Variants in CALM3 observed in about 807,000 individuals in gnomAD.
The protein encoded by CALM3 is calmodulin-3.
Under a neutral mutation model 20.1 loss-of-function variants are expected in CALM3, and 5 were observed. The observed-to-expected ratio is 0.25, with a 90% CI of 0.13 to 0.52. The LOEUF is 0.52. Among genes scored for constraint, CALM3 ranks in the 20% least tolerant of loss-of-function variants. The probability of loss-of-function intolerance (pLI) is 0.96; values close to 1 mark genes in which losing one functional copy is unlikely to be tolerated. For synonymous variants in CALM3, 69 were observed against 68.1 expected (o/e 1.01, Z -0.06); for missense variants, 57 against 192.8 (o/e 0.30, Z 4.17).
At chr19:46,607,562 C>T (rs1249477580) in intron 2 of CALM3, among the ~76,000 whole-genome samples, 1 of 152,194 alleles carries the variant, frequency 6.6e-6, no homozygotes, top group Non-Finnish European at 1.5e-5. Context: ...GCAGCCGTCC[C>T]CTCGCTTTCC....
chr19:46,603,720 C>G (rs1488530640), intron 1 of CALM3, among the ~76,000 whole-genome samples: 1 of 152,204 alleles, frequency 6.6e-6, no homozygotes, highest in African/African-American at 2.4e-5. Flanking sequence ...TGGGCGGCAA[C>G]CTTGCTTGAG....
intron 2 of CALM3, among the ~76,000 whole-genome samples, chr19:46,607,369 C>G (rs972350469): frequency 3.3e-5 from 5 of 152,230 alleles, no homozygotes; most frequent in Non-Finnish European, 5.9e-5. Flanking sequence ...CACCCCAGCC[C>G]ACACCCTCTG....
chr19:46,602,835 G>A (rs1296205152), intron 1 of CALM3, among the ~76,000 whole-genome samples: 4 of 152,086 alleles, frequency 2.6e-5, no homozygotes, highest in African/African-American at 7.2e-5. Flanking sequence ...CCAGCCCCAC[G>A]CACCATGCTG....
At chr19:46,606,313 C>T (rs762521991) in intron 2 of CALM3, 5 of 162,254 alleles carry the variant, frequency 3.1e-5, no homozygotes, top group Non-Finnish European at 6.7e-5. Flanking sequence ...CATGTGCCTG[C>T]GCCTGCCTGT....
At chr19:46,602,915 C>T (rs570967459) in intron 1 of CALM3, among the ~76,000 whole-genome samples, 1 of 152,308 alleles carries the variant, frequency 6.6e-6, no homozygotes, top group South Asian at 2.1e-4. Flanking sequence ...TGCCTATTCC[C>T]GTGCCCTCGG....
In CALM3 at chr19:46,609,415, A is replaced by G. The variant is rs1005372074; in HGVS notation, c.*262A>G. 7.2e-6 allele frequency: 4 copies of G among 558,290 alleles called. No homozygotes were observed. The highest frequency in any genetic ancestry group is 5.7e-5 in the African/African-American group (3 of 52,740). 34.6% of individuals were successfully genotyped at this position (558,290 alleles called of 1,614,324 possible). A position where few individuals can be genotyped will look rare whatever the true frequency, so the allele number is the denominator to read the frequency against. ...ATGTCTTCCAAGGCCTGATGCATTC[A>G]TAAGTTGAAGCCCTCCCCAGATCCC... On this transcript the variant is annotated 3_prime_UTR_variant, in exon 6 of 6. Transcript: ENST00000291295.
At chr19:46,602,226 G>A (rs1484195422) in intron 1 of CALM3, 1 of 1,349,888 alleles carries the variant, frequency 7.4e-7, no homozygotes, top group Admixed American at 2.0e-5. Flanking sequence ...AGTGGGGCTC[G>A]CCAGTAGTCG....
At chr19:46,601,317 GC>G, upstream of CALM3, 1 of 954,536 alleles carries the variant, frequency 1.0e-6, no homozygotes. The surrounding 1 kb of genome is among the most constrained non-coding windows in gnomAD (Gnocchi z 4.2). Flanking sequence ...CGGCGGCGGC[GC>G]GCGCTGCGGG....
In CALM3 at chr19:46,601,350, C is replaced by G; in HGVS notation, c.-85C>G. 1 of 1,417,880 alleles carries G rather than the reference C, an allele frequency of 7.1e-7. No individual in the cohort carries two copies. The allele number at this position is 1,417,880 out of a possible 1,614,324, so 87.8% of individuals were successfully genotyped here. On this transcript the variant is annotated 5_prime_UTR_variant, in exon 1 of 6. Coordinates refer to ENST00000291295, the MANE Select transcript of CALM3 (RefSeq NM_005184.4). The surrounding 1 kb of genome is among the most constrained non-coding windows in gnomAD (Gnocchi z 4.2). Reference sequence around the variant, plus strand: ...CGGGCAGTGAGTGTGGAGGCGCGGACGCGCGGCGGAGCTGGAACTGCTGCA... The same window carrying G: ...CGGGCAGTGAGTGTGGAGGCGCGGAGGCGCGGCGGAGCTGGAACTGCTGCA...
intron 1 of CALM3, chr19:46,602,550 GGGCT>G (rs914802513): frequency 1.7e-5 from 4 of 234,794 alleles, no homozygotes; most frequent in Admixed American, 1.6e-4. Context: ...GATGGGGAGT[GGGCT>G]GCAGGGCCCG....
chr19:46,607,956 C>G, intron 2 of CALM3: 1 of 439,550 alleles, frequency 2.3e-6, no homozygotes, highest in Non-Finnish European at 4.1e-6. Flanking sequence ...ACTGGCTGGC[C>G]AGAAAAATAG....
rs1971626011 is a variant in CALM3 at position 46,601,874 on chromosome 19, G to T, written c.3+437G>T. 6.6e-6 allele frequency among the ~76,000 whole-genome samples: 1 copy of T among 152,058 alleles called. No individual in the cohort carries two copies. Among genetic ancestry groups the T allele is most frequent in the Non-Finnish European group, 1.5e-5 (1 of 68,008 alleles). The stretch of plus-strand genomic sequence containing the variant: ...CTGATGAAGGCGTTTGGTCCTGAGA[G>T]GATGCGGGGAACGGGGGACGAAGGG... On this transcript the variant is annotated intron_variant, in intron 1 of 5. Coordinates refer to ENST00000291295, the MANE Select transcript of CALM3 (RefSeq NM_005184.4). This position sits in a 1 kb window ranked among gnomAD's most constrained non-coding sequence, Gnocchi z 4.2.
chr19:46,608,130 A>T lies in CALM3; in HGVS notation c.35-67A>T. 1 of 1,510,378 alleles carries T rather than the reference A, an allele frequency of 6.6e-7. No homozygotes were observed. The highest frequency in any genetic ancestry group is 1.2e-5 in the South Asian group (1 of 81,854). The allele number at this position is 1,510,378 out of a possible 1,614,324, so 93.6% of individuals were successfully genotyped here. On this transcript the variant is annotated intron_variant, in intron 2 of 5. Transcript: ENST00000291295. The surrounding 1 kb of genome is among the most constrained non-coding windows in gnomAD (Gnocchi z 5.5). ...TGGCCTTCCTCCAGGGAAGGCATCCAGCATCCAGAGGTAAGGATTCTCCTG... is the reference window on the plus strand; with the variant it reads ...TGGCCTTCCTCCAGGGAAGGCATCCTGCATCCAGAGGTAAGGATTCTCCTG...
upstream of CALM3, chr19:46,601,210 CCGCAGTGCG>C: frequency 3.2e-6 from 1 of 312,754 alleles, no homozygotes; most frequent in South Asian, 6.8e-5. The surrounding 1 kb of genome is among the most constrained non-coding windows in gnomAD (Gnocchi z 4.2). Context: ...TCCGTGGGAG[CCGCAGTGCG>C]GCGGCGCGCG....
At chr19:46,602,279 AG>A in intron 1 of CALM3, 2 of 1,186,814 alleles carry the variant, frequency 1.7e-6, no homozygotes, top group Non-Finnish European at 2.3e-6. Flanking sequence ...TAGCTAGAAA[AG>A]GTTCCGAGGT....
rs1223580269 is a variant in CALM3 at position 46,609,544 on chromosome 19, C to A, written c.*391C>A. 1.6e-5 allele frequency: 4 copies of A among 246,886 alleles called. No homozygotes were observed. Among genetic ancestry groups the A allele is most frequent in the Non-Finnish European group, 1.6e-5 (2 of 126,330 alleles). 15.3% of individuals were successfully genotyped at this position (246,886 alleles called of 1,614,324 possible). A position where few individuals can be genotyped will look rare whatever the true frequency, so the allele number is the denominator to read the frequency against. ...TTTGGGTGCTGGGGTGGCTGCCAGCCCTGTCCCGGGACCTGCTGGGAGGGA... is the reference window on the plus strand; with the variant it reads ...TTTGGGTGCTGGGGTGGCTGCCAGCACTGTCCCGGGACCTGCTGGGAGGGA... On this transcript the variant is annotated 3_prime_UTR_variant, in exon 6 of 6. Transcript: ENST00000291295.
chr19:46,601,132 C>A (rs1258500433), upstream of CALM3: 3 of 722,142 alleles, frequency 4.2e-6, no homozygotes, highest in Non-Finnish European at 6.7e-6. The surrounding 1 kb of genome is among the most constrained non-coding windows in gnomAD (Gnocchi z 4.2). Context: ...GGCGGCAAAC[C>A]CAATTCCTGT....
chr19:46,603,536 A>G (rs1422096199), intron 1 of CALM3, among the ~76,000 whole-genome samples: 1 of 151,666 alleles, frequency 6.6e-6, no homozygotes, highest in Non-Finnish European at 1.5e-5. Context: ...CCCCCACCTC[A>G]TGGTTTTTTT....
intron 1 of CALM3, among the ~76,000 whole-genome samples, chr19:46,604,109 C>T (rs1387731819): frequency 6.6e-5 from 10 of 152,176 alleles, no homozygotes; most frequent in Non-Finnish European, 8.8e-5. Flanking sequence ...CAGCCACCTC[C>T]CCACACTGCT....
Sources: gnomAD v4.1 joint callset for allele counts (sites outside exome capture counted in the v4.1 genomes callset) on GRCh38, gnomAD v4.1.1 for gene constraint, Gnocchi (gnomAD v3.1) non-coding constraint, MANE v1.5 for transcripts, NCBI Gene and HGNC (gene_info 2026-07-23, HGNC 2026-07-21) for gene names.